The following AK5 variants were observed in gnomAD, a reference collection of about 807,000 sequenced individuals.
The protein encoded by AK5 is adenylate kinase 5, also known as adenylate kinase isoenzyme 5.
Under a neutral mutation model 69.5 loss-of-function variants are expected in AK5, and 27 were observed. The observed-to-expected ratio is 0.39, with a 90% CI of 0.29 to 0.54. AK5 has a LOEUF of 0.54. AK5 is among the 20% of genes least tolerant of loss of function. The pLI, the probability that AK5 is intolerant of heterozygous loss-of-function variation, is 0.71. For missense variants in AK5, 531 were observed against 700.4 expected (o/e 0.76, Z 2.73); for synonymous variants, 260 against 244.4 (o/e 1.06, Z -0.60).
In AK5 at chr1:77,485,755, G is replaced by A. The variant is rs539932361; in HGVS notation, c.1103-553G>A. On this transcript the variant is annotated intron_variant, in intron 9 of 13. Coordinates refer to ENST00000354567, the MANE Select transcript of AK5 (RefSeq NM_174858.3). ...TTTGTGATTCATGCTATTAAATGAC[G>A]TAAATTTTTGCCACCAAAAGTTGAT... 1.4e-4 allele frequency among the ~76,000 whole-genome samples: 22 copies of A among 152,204 alleles called. No individual in the cohort carries two copies. The East Asian group carries it at 3.1e-3, about 21-fold the overall frequency.
chr1:77,371,431 AG>A (rs1276724285), intron 6 of AK5: 1 of 152,192 alleles, frequency 6.6e-6, no homozygotes, highest in Non-Finnish European at 1.5e-5. Context: ...CTATTTGGAA[AG>A]GGGGTTTCAA....
At chr1:77,488,561 T>G (rs1237058786) in intron 10 of AK5, among the ~76,000 whole-genome samples, 3 of 152,142 alleles carry the variant, frequency 2.0e-5, no homozygotes, top group Non-Finnish European at 4.4e-5. Flanking sequence ...ATATAGGAAT[T>G]TATTAAGTAT....
intron 13 of AK5, among the ~76,000 whole-genome samples, chr1:77,556,431 A>G (rs1476027292): frequency 2.0e-5 from 3 of 152,210 alleles, no homozygotes; most frequent in Non-Finnish European, 4.4e-5. Flanking sequence ...GTGTCTCTCA[A>G]GTTTGTGAAA....
At chr1:77,508,694 C>A (rs886513771) in intron 10 of AK5, among the ~76,000 whole-genome samples, 1 of 152,010 alleles carries the variant, frequency 6.6e-6, no homozygotes, top group African/African-American at 2.4e-5. Flanking sequence ...TGGCAAAACC[C>A]CGTCTCTACT....
chr1:77,471,498 A>G (rs1360271807), intron 8 of AK5, among the ~76,000 whole-genome samples: 1 of 152,190 alleles, frequency 6.6e-6, no homozygotes. Context: ...TCACCTGTTC[A>G]TGCTTTTCCC....
chr1:77,557,865 C>G (rs1660201641), intron 13 of AK5, among the ~76,000 whole-genome samples: 1 of 152,144 alleles, frequency 6.6e-6, no homozygotes, highest in Non-Finnish European at 1.5e-5. Context: ...TTACACTGCT[C>G]TAAAAATCCT....
chr1:77,396,846 C>T (rs772526099), intron 6 of AK5, among the ~76,000 whole-genome samples: 30 of 152,162 alleles, frequency 2.0e-4, no homozygotes, highest in Non-Finnish European at 3.1e-4. Flanking sequence ...GAAAGTGTTA[C>T]GTTGTGATTG....
At position 77,536,134 on chromosome 1, in the gene AK5, A is replaced by T. The variant is rs1416102710; in HGVS notation, c.1620+96A>T. ...AAGCTGAGAACATTTTAGTTAAGGG[A>T]TCTGGGAATTAGAACTCTGTGCAGC... On this transcript the variant is annotated intron_variant, in intron 13 of 13. Transcript: ENST00000354567. 9.7e-6 allele frequency: 13 copies of T among 1,341,418 alleles called. No homozygotes were observed. The African/African-American group carries it at 1.5e-4, about 15-fold the overall frequency. The allele number at this position is 1,341,418 out of a possible 1,614,324, so 83.1% of individuals were successfully genotyped here.
chr1:77,466,003 A>C (rs1333771402), intron 8 of AK5, among the ~76,000 whole-genome samples: 1 of 152,118 alleles, frequency 6.6e-6, no homozygotes, highest in Non-Finnish European at 1.5e-5. Context: ...TGATCATGCC[A>C]CTTCCCAGCT....
Position 77,529,334 on chromosome 1 carries a change from G to GTTTTTTTTTTTTTTT in AK5, c.1429-6510_1429-6496dup, listed in dbSNP as rs935476152. On this transcript the variant is annotated intron_variant, in intron 12 of 13. Coordinates refer to ENST00000354567, the MANE Select transcript of AK5 (RefSeq NM_174858.3). ...AGGTGTTAGGACCCCCGTTTTATAG[G>GTTTTTTTTTTTTTTT]TTTTTTTTTTTTTTTTTGAGACGGA... Among the ~76,000 whole-genome samples, 30 of 138,026 alleles carry GTTTTTTTTTTTTTTT rather than the reference G, an allele frequency of 2.2e-4. 1 individual carries two copies. Among genetic ancestry groups the GTTTTTTTTTTTTTTT allele is most frequent in the African/African-American group, 7.9e-4 (29 of 36,840 alleles). 90.6% of individuals were successfully genotyped at this position (138,026 alleles called of 152,430 possible).
At chr1:77,507,988 A>G (rs549699803) in intron 10 of AK5, among the ~76,000 whole-genome samples, 25 of 152,342 alleles carry the variant, frequency 1.6e-4, no homozygotes, top group African/African-American at 5.3e-4. Flanking sequence ...CCAAAAATCC[A>G]AAATCCAAAA....
At chr1:77,441,932 AC>A (rs2100637612) in intron 8 of AK5, among the ~76,000 whole-genome samples, 1 of 151,674 alleles carries the variant, frequency 6.6e-6, no homozygotes, top group South Asian at 2.1e-4. Flanking sequence ...ACTCTGAGGT[AC>A]CCCCTAGCAG....
At chr1:77,468,579 G>A (rs922372034) in intron 8 of AK5, among the ~76,000 whole-genome samples, 2 of 152,198 alleles carry the variant, frequency 1.3e-5, no homozygotes, top group African/African-American at 4.8e-5. Context: ...TTGCTTTTCT[G>A]TCCTGAGCCT....
Position 77,480,119 on chromosome 1 carries a change from AGTGTGTGTGTGT to A in AK5, c.1060-3171_1060-3160del, listed in dbSNP as rs10618389. ...CCAGAAGTGTTTCCCATTCACCCCGAGTGTGTGTGTGTGTGTGTGTGTGTGTGTGTGTGTGTG... is the reference window on the plus strand; with the variant it reads ...CCAGAAGTGTTTCCCATTCACCCCGAGTGTGTGTGTGTGTGTGTGTGTGTG... On this transcript the variant is annotated intron_variant, in intron 8 of 13. Transcript: ENST00000354567. 1.7e-3 allele frequency among the ~76,000 whole-genome samples: 256 copies of A among 149,862 alleles called. 2 individuals carry two copies. The East Asian group carries it at 0.022, about 13-fold the overall frequency.
intron 8 of AK5, among the ~76,000 whole-genome samples, chr1:77,428,072 G>A (rs1014164111): frequency 3.9e-5 from 6 of 152,132 alleles, no homozygotes; most frequent in African/African-American, 1.2e-4. Context: ...GAGATGAGAT[G>A]GGACAGAACC....
chr1:77,310,795 T>C (rs1659905388), intron 5 of AK5, among the ~76,000 whole-genome samples: 1 of 152,172 alleles, frequency 6.6e-6, no homozygotes, highest in African/African-American at 2.4e-5. Flanking sequence ...GATTATATTA[T>C]GTATATAGAT....
intron 8 of AK5, among the ~76,000 whole-genome samples, chr1:77,480,704 A>G (rs745722045): frequency 3.9e-5 from 6 of 152,172 alleles, no homozygotes; most frequent in South Asian, 2.1e-4. Flanking sequence ...AGATTAAACA[A>G]TCCTTTTCCA....
At chr1:77,431,505 A>G (rs1382041742) in intron 8 of AK5, among the ~76,000 whole-genome samples, 1 of 152,176 alleles carries the variant, frequency 6.6e-6, no homozygotes, top group Non-Finnish European at 1.5e-5. Context: ...TTGGCAGAGT[A>G]TAAGTGGTAA....
intron 5 of AK5, among the ~76,000 whole-genome samples, chr1:77,320,500 C>T (rs946833157): frequency 1.3e-5 from 2 of 152,026 alleles, no homozygotes; most frequent in African/African-American, 4.8e-5. Flanking sequence ...TGTAATCTCA[C>T]CACTTTGGGA....
Sources: gnomAD v4.1 joint callset for allele counts (sites outside exome capture counted in the v4.1 genomes callset) on GRCh38, gnomAD v4.1.1 for gene constraint, MANE v1.5 for transcripts, NCBI Gene and HGNC (gene_info 2026-07-23, HGNC 2026-07-21) for gene names.